Variants in GRB2 observed in about 807,000 individuals in gnomAD.
GRB2 encodes growth factor receptor bound protein 2.
In GRB2, 2 loss-of-function variants were observed where a neutral mutation model predicts 27.4. The observed-to-expected ratio is 0.07, with a 90% CI of 0.03 to 0.23. GRB2 has a LOEUF of 0.23. GRB2 is among the 10% of genes least tolerant of loss of function. The pLI is 1.00. For synonymous variants in GRB2, 94 were observed against 99.6 expected, an observed-to-expected ratio of 0.94 and a Z score of 0.33; for missense variants, 102 against 282.4, an observed-to-expected ratio of 0.36 and a Z score of 4.58.
chr17:75,349,508 C>CTTTTT lies in GRB2; in HGVS notation c.79-16716_79-16712dup, dbSNP rs36010389. On this transcript the variant is annotated intron_variant, in intron 2 of 5. Coordinates refer to ENST00000316804, the MANE Select transcript of GRB2 (RefSeq NM_002086.5). ...GAGCCTTCTGTTTTCATAACTCAGA[C>CTTTTT]TTTTTTTTTTTTTTTTTTTTGAGAC... 3.3e-4 allele frequency among the ~76,000 whole-genome samples: 38 copies of CTTTTT among 115,888 alleles called. 1 individual carries two copies. Among genetic ancestry groups the CTTTTT allele is most frequent in the Admixed American group, 9.3e-4 (9 of 9,720 alleles). The allele number at this position is 115,888 out of a possible 152,430, so 76.0% of individuals were successfully genotyped here.
chr17:75,342,663 G>T (rs961299276), intron 2 of GRB2, among the ~76,000 whole-genome samples: 1 of 152,126 alleles, frequency 6.6e-6, no homozygotes, highest in Non-Finnish European at 1.5e-5. Flanking sequence ...AGGTAAAGGA[G>T]GTAAGAGAAT....
chr17:75,400,274 A>C (rs776098868), intron 1 of GRB2, among the ~76,000 whole-genome samples: 11 of 151,636 alleles, frequency 7.3e-5, no homozygotes, highest in Non-Finnish European at 1.5e-4. Context: ...CCTGAGTTCC[A>C]GCAATTCCCC....
chr17:75,344,139 G>GT (rs1266757440), intron 2 of GRB2, among the ~76,000 whole-genome samples: 3 of 152,096 alleles, frequency 2.0e-5, no homozygotes, highest in Admixed American at 6.6e-5. Flanking sequence ...TTAACTCCAG[G>GT]TTAGGGGGTA....
intron 1 of GRB2, chr17:75,395,050 T>C (rs1002946539): frequency 6.6e-6 from 1 of 152,224 alleles, no homozygotes; most frequent in Non-Finnish European, 1.5e-5. Flanking sequence ...GTGACACCTT[T>C]CTTGGATAAT....
At chr17:75,382,041 G>A (rs574067765) in intron 2 of GRB2, among the ~76,000 whole-genome samples, 70 of 152,076 alleles carry the variant, frequency 4.6e-4, no homozygotes, top group African/African-American at 1.6e-3. Context: ...TGGCCAACAT[G>A]GTGAAACCTC....
intron 1 of GRB2, among the ~76,000 whole-genome samples, chr17:75,394,516 G>A (rs138256983): frequency 5.1e-4 from 78 of 152,138 alleles, no homozygotes; most frequent in African/African-American, 1.4e-3. Flanking sequence ...CCCTTTCCCC[G>A]GCAGATCCCC....
intron 4 of GRB2, among the ~76,000 whole-genome samples, chr17:75,324,523 TTTTTTTTTTTTTG>T (rs1373001371): frequency 6.7e-5 from 6 of 89,730 alleles, no homozygotes; most frequent in Non-Finnish European, 1.0e-4. Context: ...TTTTTTTTTT[TTTTTTTTTTTTTG>T]GAGACAGAGT....
chr17:75,366,310 G>A (rs1342611280), intron 2 of GRB2, among the ~76,000 whole-genome samples: 1 of 152,000 alleles, frequency 6.6e-6, no homozygotes, highest in Non-Finnish European at 1.5e-5. Flanking sequence ...TCTGTTAACT[G>A]CAAATAACAG....
At chr17:75,330,044 G>T (rs2078528406) in intron 3 of GRB2, among the ~76,000 whole-genome samples, 1 of 152,004 alleles carries the variant, frequency 6.6e-6, no homozygotes, top group Admixed American at 6.6e-5. Flanking sequence ...CGTGATCTTG[G>T]CTTGCTGCAA....
Position 75,393,537 on chromosome 17 carries a change from G to A in GRB2, c.78+14C>T, listed in dbSNP as rs754483890. 10 of 1,604,918 alleles carry A rather than the reference G, an allele frequency of 6.2e-6. No homozygotes were observed. The highest frequency in any genetic ancestry group is 8.5e-6 in the Non-Finnish European group (10 of 1,171,666). The stretch of plus-strand genomic sequence containing the variant: ...GAGAGCGATCTCAGCATTGTGCTCG[G>A]CATCAGCACTTACCTTGAGGATGTC... On this transcript the variant is annotated intron_variant, in intron 2 of 5. Coordinates refer to ENST00000316804, the MANE Select transcript of GRB2 (RefSeq NM_002086.5).
chr17:75,382,779 G>C (rs553624699), intron 2 of GRB2, among the ~76,000 whole-genome samples: 2 of 152,250 alleles, frequency 1.3e-5, no homozygotes, highest in East Asian at 3.9e-4. Context: ...CACTATCTGG[G>C]ATCACTGCAA....
intron 1 of GRB2, among the ~76,000 whole-genome samples, chr17:75,396,331 C>A (rs932778261): frequency 2.0e-5 from 3 of 151,990 alleles, no homozygotes; most frequent in African/African-American, 7.3e-5. Context: ...CATCCTTGAT[C>A]TCCTTGGCTC....
At chr17:75,386,757 G>T (rs1021176611) in intron 2 of GRB2, among the ~76,000 whole-genome samples, 1 of 152,172 alleles carries the variant, frequency 6.6e-6, no homozygotes, top group South Asian at 2.1e-4. Context: ...ATTGTGATGG[G>T]TACACCCAGT....
chr17:75,324,013 TATTGGTCAG>T (rs1345534220), intron 4 of GRB2, among the ~76,000 whole-genome samples: 2 of 151,612 alleles, frequency 1.3e-5, no homozygotes, highest in Non-Finnish European at 2.9e-5. Context: ...TGTTTCACCA[TATTGGTCAG>T]GCTGGTCTCA....
At chr17:75,384,974 T>A (rs1448502142) in intron 2 of GRB2, among the ~76,000 whole-genome samples, 3 of 136,644 alleles carry the variant, frequency 2.2e-5, no homozygotes, top group Admixed American at 1.7e-4. Flanking sequence ...GGCGGATCGC[T>A]TGAGCCCAGG....
rs758490679 is a variant in GRB2 at position 75,320,582 on chromosome 17, A to G, written c.469-29T>C. 1.3e-5 allele frequency: 20 copies of G among 1,589,932 alleles called. No individual in the cohort carries two copies. The highest frequency in any genetic ancestry group is 4.4e-5 in the South Asian group (4 of 90,572). The stretch of plus-strand genomic sequence containing the variant: ...CAAAACAGGAGCAGGAAAAACCCAC[A>G]TTGCATTCCTGGTCTGTGACTGGCC... On this transcript the variant is annotated intron_variant, in intron 5 of 5. Transcript: ENST00000316804. This position sits in a 1 kb window ranked among gnomAD's most constrained non-coding sequence, Gnocchi z 4.3.
chr17:75,366,651 C>A (rs1287786576), intron 2 of GRB2, among the ~76,000 whole-genome samples: 2 of 151,806 alleles, frequency 1.3e-5, no homozygotes, highest in Non-Finnish European at 2.9e-5. Context: ...CACAAAAAAA[C>A]AAACAAAAAT....
chr17:75,401,197 G>A (rs908840267), intron 1 of GRB2, among the ~76,000 whole-genome samples: 11 of 152,142 alleles, frequency 7.2e-5, no homozygotes, highest in African/African-American at 2.4e-4. Flanking sequence ...TGTAATCCCA[G>A]CACTTTGGGA....
At chr17:75,381,302 T>C (rs995056045) in intron 2 of GRB2, among the ~76,000 whole-genome samples, 5 of 152,206 alleles carry the variant, frequency 3.3e-5, no homozygotes, top group Non-Finnish European at 5.9e-5. Flanking sequence ...GAGGGACTTA[T>C]TGACTTTCCT....
Sources: gnomAD v4.1 joint callset for allele counts (sites outside exome capture counted in the v4.1 genomes callset) on GRCh38, gnomAD v4.1.1 for gene constraint, Gnocchi (gnomAD v3.1) non-coding constraint, MANE v1.5 for transcripts, NCBI Gene and HGNC (gene_info 2026-07-23, HGNC 2026-07-21) for gene names.